SPAG16: variants seen among roughly 807,000 people sequenced by gnomAD.
SPAG16 encodes sperm associated antigen 16, also known as sperm-associated antigen 16 protein.
In SPAG16, 86 loss-of-function variants were observed where a neutral mutation model predicts 80.4. The observed-to-expected ratio is 1.07, with a 90% CI of 0.90 to 1.28. The LOEUF is 1.28. SPAG16 is among the 50% of genes most tolerant of loss of function. SPAG16 has a pLI of 0.00. For synonymous variants in SPAG16, 294 were observed against 265.9 expected (o/e 1.11, Z -1.03); for missense variants, 870 against 765.3 (o/e 1.14, Z -1.61).
At chr2:213,815,553 C>T (rs895277923) in intron 10 of SPAG16, among the ~76,000 whole-genome samples, 1 of 151,986 alleles carries the variant, frequency 6.6e-6, no homozygotes, top group African/African-American at 2.4e-5. Flanking sequence ...TACAATTAGA[C>T]TCCCATGAGA....
intron 11 of SPAG16, among the ~76,000 whole-genome samples, chr2:213,881,999 T>C (rs975318794): frequency 6.6e-6 from 1 of 152,222 alleles, no homozygotes; most frequent in African/African-American, 2.4e-5. Context: ...TTTTGAGGTA[T>C]GTTCCTTTGA....
chr2:213,742,418 ATTG>A (rs944284592), intron 10 of SPAG16, among the ~76,000 whole-genome samples: 6 of 152,038 alleles, frequency 3.9e-5, no homozygotes, highest in African/African-American at 1.4e-4. Context: ...ACATTATCTT[ATTG>A]TTCTGTTCAA....
At chr2:213,867,660 C>G (rs925551734) in intron 11 of SPAG16, among the ~76,000 whole-genome samples, 1 of 152,000 alleles carries the variant, frequency 6.6e-6, no homozygotes, top group Non-Finnish European at 1.5e-5. Context: ...CAGTGGCTCA[C>G]GCCTGTAATC....
chr2:213,818,083 G>A (rs2072677352), intron 10 of SPAG16, among the ~76,000 whole-genome samples: 1 of 152,128 alleles, frequency 6.6e-6, no homozygotes, highest in Admixed American at 6.5e-5. Flanking sequence ...GACTCTCTCT[G>A]CAATTTCCTT....
At chr2:213,970,549 A>G (rs1333613999) in intron 12 of SPAG16, among the ~76,000 whole-genome samples, 5 of 152,084 alleles carry the variant, frequency 3.3e-5, no homozygotes, top group Non-Finnish European at 5.9e-5. Flanking sequence ...CAATCTGCCC[A>G]ATTTGGCCTC....
intron 15 of SPAG16, among the ~76,000 whole-genome samples, chr2:214,189,211 T>G (rs2057580050): frequency 6.6e-6 from 1 of 152,104 alleles, no homozygotes; most frequent in South Asian, 2.1e-4. Context: ...AGAATTTGCA[T>G]CTGGCCACCA....
rs2057900162 is a variant in SPAG16 at position 214,198,146 on chromosome 2, G to A, written c.1720+48880G>A. Reference sequence around the variant, plus strand: ...GGTATAGCTGGTATTTGGTTACATGGATAAGTTCTTCCTAGTGATGATTTC... The same window carrying A: ...GGTATAGCTGGTATTTGGTTACATGAATAAGTTCTTCCTAGTGATGATTTC... On this transcript the variant is annotated intron_variant, in intron 15 of 15. Transcript: ENST00000331683. Among the ~76,000 whole-genome samples, 5 of 151,940 alleles carry A rather than the reference G, an allele frequency of 3.3e-5. No individual in the cohort carries two copies. In the South Asian group the frequency reaches 1.0e-3, roughly 31 times the overall value.
chr2:213,982,557 T>G (rs2106421686), intron 12 of SPAG16, among the ~76,000 whole-genome samples: 1 of 152,074 alleles, frequency 6.6e-6, no homozygotes, highest in South Asian at 2.1e-4. Flanking sequence ...AAAATATATC[T>G]TCTACTATAG....
chr2:213,690,523 A>C, intron 10 of SPAG16, among the ~76,000 whole-genome samples: 1 of 152,206 alleles, frequency 6.6e-6, no homozygotes, highest in East Asian at 1.9e-4. Context: ...TAGATGGCTG[A>C]TGAAGCATGT....
intron 3 of SPAG16, among the ~76,000 whole-genome samples, chr2:213,308,505 A>G (rs1396043912): frequency 6.6e-6 from 1 of 152,144 alleles, no homozygotes; most frequent in African/African-American, 2.4e-5. Flanking sequence ...AGTGTTATTC[A>G]AGTGCAAAGC....
chr2:213,974,002 T>A (rs1398346524), intron 12 of SPAG16, among the ~76,000 whole-genome samples: 1 of 151,978 alleles, frequency 6.6e-6, no homozygotes, highest in Non-Finnish European at 1.5e-5. Context: ...ATCAGGGGAG[T>A]CAGGAAAAGA....
intron 10 of SPAG16, among the ~76,000 whole-genome samples, chr2:213,676,077 A>C (rs976948920): frequency 6.6e-6 from 1 of 152,006 alleles, no homozygotes; most frequent in African/African-American, 2.4e-5. Flanking sequence ...AGTGGTTTGT[A>C]GTTCTCCTTG....
chr2:213,926,715 TTA>T (rs1449860497), intron 11 of SPAG16, among the ~76,000 whole-genome samples: 7 of 152,182 alleles, frequency 4.6e-5, no homozygotes, highest in African/African-American at 1.7e-4. Flanking sequence ...TTACTTATAG[TTA>T]TATTTTGTAC....
At chr2:213,565,140 C>T (rs951714310) in intron 10 of SPAG16, among the ~76,000 whole-genome samples, 4 of 152,134 alleles carry the variant, frequency 2.6e-5, no homozygotes, top group Admixed American at 6.6e-5. Context: ...CCAGCACTAC[C>T]GCCAACTAGT....
intron 10 of SPAG16, among the ~76,000 whole-genome samples, chr2:213,562,245 G>T (rs1375002631): frequency 6.6e-6 from 1 of 152,104 alleles, no homozygotes; most frequent in Non-Finnish European, 1.5e-5. Flanking sequence ...GTGTTTCTAG[G>T]CTCTTCTTTT....
chr2:213,447,091 G>A (rs1380288413), intron 9 of SPAG16, among the ~76,000 whole-genome samples: 1 of 152,200 alleles, frequency 6.6e-6, no homozygotes, highest in Non-Finnish European at 1.5e-5. Flanking sequence ...ACATGTAGTA[G>A]TATTAAAAAA....
At position 213,929,947 on chromosome 2, in the gene SPAG16, T is replaced by C; in HGVS notation, c.1215-13T>C. On this transcript the variant is annotated splice_polypyrimidine_tract_variant and intron_variant, in intron 11 of 15. Transcript: ENST00000331683. ...TTTTTAAACAAGCTGTCTTTTTATG[T>C]TTTTGCAAATAGTGGCGACAAATTG... 1 of 1,598,254 alleles carries C rather than the reference T, an allele frequency of 6.3e-7. No homozygotes were observed. The highest frequency in any genetic ancestry group is 8.5e-7 in the Non-Finnish European group (1 of 1,171,874).
chr2:213,425,880 C>T (rs77219704), intron 9 of SPAG16, among the ~76,000 whole-genome samples: 4 of 152,050 alleles, frequency 2.6e-5, no homozygotes, highest in East Asian at 1.9e-4. Context: ...AAACAGGGCT[C>T]CATGGAGTAA....
In SPAG16 at chr2:213,904,196, C is replaced by T. The variant is rs184819226; in HGVS notation, c.1215-25764C>T. Among the ~76,000 whole-genome samples the T allele has an allele frequency of 2.1e-4, 32 of 152,254 alleles. No homozygotes were observed. The East Asian group carries it at 4.4e-3, about 21-fold the overall frequency. On this transcript the variant is annotated intron_variant, in intron 11 of 15. Coordinates refer to ENST00000331683, the MANE Select transcript of SPAG16 (RefSeq NM_024532.5). ...ACATTTTTGGTTACCTTGTCAGCAA[C>T]GTCCCACTCTACTGATACCAATTTA...
Sources: allele counts gnomAD v4.1 joint callset (sites outside exome capture counted in the v4.1 genomes callset), GRCh38; gene constraint gnomAD v4.1.1; transcripts MANE v1.5; gene names NCBI Gene and HGNC (gene_info 2026-07-23, HGNC 2026-07-21).